The following A1CF variants were observed in gnomAD, a reference collection of about 807,000 sequenced individuals.
A1CF encodes APOBEC1 complementation factor, also known as APOBEC-1 stimulating protein.
A1CF carries 48 observed loss-of-function variants against 68.9 expected under a neutral mutation model. That is an observed-to-expected ratio of 0.70 (90% CI 0.55 to 0.89). The LOEUF (loss-of-function observed/expected upper bound fraction) is 0.89. Among genes scored for constraint, A1CF ranks in the 40% least tolerant of loss-of-function variants. The pLI, the probability that A1CF is intolerant of heterozygous loss-of-function variation, is 0.00. For missense variants in A1CF, 653 were observed against 718.9 expected, an observed-to-expected ratio of 0.91 and a Z score of 1.05; for synonymous variants, 272 against 260.4, an observed-to-expected ratio of 1.04 and a Z score of -0.43.
intron 7 of A1CF, chr10:50,823,131 G>A (rs1315455396): frequency 6.6e-6 from 1 of 152,142 alleles, no homozygotes; most frequent in East Asian, 1.9e-4. Context: ...ATCTTACACT[G>A]TTGGACGATA....
Position 50,883,049 on chromosome 10 carries a change from A to C in A1CF, c.-94+2532T>G, listed in dbSNP as rs185570466. ...GTGCTTTAATACTAAAAAAATTTAC[A>C]GACTGTCTTTCTCTGAATAAATGGA... On this transcript the variant is annotated intron_variant, in intron 1 of 12. Coordinates refer to ENST00000373997, the MANE Select transcript of A1CF (RefSeq NM_014576.4). Among the ~76,000 whole-genome samples the C allele has an allele frequency of 7.2e-5, 11 of 152,316 alleles. No individual in the cohort carries two copies. The East Asian group carries it at 2.1e-3, about 29-fold the overall frequency.
At chr10:50,859,684 C>T (rs1840651363) in intron 3 of A1CF, among the ~76,000 whole-genome samples, 158 bp downstream of exon 3, 1 of 152,184 alleles carries the variant, frequency 6.6e-6, no homozygotes, top group Non-Finnish European at 1.5e-5. Flanking sequence ...GTGTCATCTA[C>T]AAAACAGAAA....
intron 3 of A1CF, chr10:50,850,817 A>C (rs753047160): frequency 1.9e-6 from 3 of 1,604,998 alleles, no homozygotes; most frequent in Admixed American, 3.4e-5. Flanking sequence ...CCTTTCAAGA[A>C]GTAATTAGGT....
chr10:50,804,636 T>G lies in A1CF; in HGVS notation c.*2093A>C, dbSNP rs965882387. 3.9e-5 allele frequency: 6 copies of G among 152,202 alleles called. No homozygotes were observed. Among genetic ancestry groups the G allele is most frequent in the African/African-American group, 1.2e-4 (5 of 41,450 alleles). The allele number at this position is 152,202 out of a possible 1,614,324, so 9.4% of individuals were successfully genotyped here. Reference sequence around the variant, plus strand: ...AGGACAAGATTGTTTTACTTTCTCATTTTTAGAGTTAGTTTGAAGCCTACG... The same window carrying G: ...AGGACAAGATTGTTTTACTTTCTCAGTTTTAGAGTTAGTTTGAAGCCTACG... On this transcript the variant is annotated 3_prime_UTR_variant, in exon 13 of 13. Transcript: ENST00000373997.
chr10:50,881,307 G>A (rs1484444546), intron 1 of A1CF, among the ~76,000 whole-genome samples: 2 of 152,118 alleles, frequency 1.3e-5, no homozygotes, highest in African/African-American at 4.8e-5. Context: ...CCTCTTAACT[G>A]ATAGGTACAT....
intron 2 of A1CF, among the ~76,000 whole-genome samples, chr10:50,861,548 CCTA>C (rs1172115422): frequency 6.8e-6 from 1 of 147,944 alleles, no homozygotes; most frequent in Non-Finnish European, 1.5e-5. Context: ...ATTAGGACTA[CCTA>C]CTAATATTAG....
At chr10:50,825,575 A>G (rs894089881) in intron 7 of A1CF, among the ~76,000 whole-genome samples, 2 of 152,164 alleles carry the variant, frequency 1.3e-5, no homozygotes, top group African/African-American at 4.8e-5. Flanking sequence ...AAAAGATTGT[A>G]GAATTAATGT....
intron 1 of A1CF, among the ~76,000 whole-genome samples, chr10:50,882,619 G>A (rs1460250290): frequency 6.6e-6 from 1 of 152,012 alleles, no homozygotes; most frequent in Admixed American, 6.6e-5. Flanking sequence ...GAATGTCACC[G>A]CAAGAGTGCT....
intron 7 of A1CF, chr10:50,823,497 A>C (rs1329418811): frequency 6.6e-6 from 1 of 152,210 alleles, no homozygotes; most frequent in African/African-American, 2.4e-5. Context: ...ACACACCTGC[A>C]TGCCAAAGGG....
Position 50,857,985 on chromosome 10 carries a change from C to T in A1CF, c.99+1857G>A, listed in dbSNP as rs75478594. ...AGGCCTGAGAGCCCAATGAAGGTAG[C>T]TCAGTAAAAACTTTCCTTTACCATT... On this transcript the variant is annotated intron_variant, in intron 3 of 12. Transcript: ENST00000373997. Among the ~76,000 whole-genome samples, 3 of 152,324 alleles carry T rather than the reference C, an allele frequency of 2.0e-5. No individual in the cohort carries two copies. In the East Asian group the frequency reaches 5.8e-4, roughly 29 times the overall value.
At chr10:50,877,333 T>TA (rs754093062) in intron 1 of A1CF, among the ~76,000 whole-genome samples, 29 of 152,342 alleles carry the variant, frequency 1.9e-4, no homozygotes, top group Middle Eastern at 3.4e-3. Flanking sequence ...CTTCTAGTGT[T>TA]ATGTTTCTCC....
chr10:50,853,801 T>C (rs936611729), intron 3 of A1CF, among the ~76,000 whole-genome samples: 59 of 146,436 alleles, frequency 4.0e-4, no homozygotes, highest in African/African-American at 1.5e-3. Flanking sequence ...TAGGCTTTTT[T>C]TTAAAAAAAA....
chr10:50,861,851 T>C (rs1840762150), intron 2 of A1CF, among the ~76,000 whole-genome samples: 1 of 148,382 alleles, frequency 6.7e-6, no homozygotes, highest in Non-Finnish European at 1.5e-5. Flanking sequence ...ATATTAATAG[T>C]ATTTATAATA....
At chr10:50,852,879 T>C (rs768072884) in intron 3 of A1CF, among the ~76,000 whole-genome samples, 13 of 152,148 alleles carry the variant, frequency 8.5e-5, no homozygotes, top group Non-Finnish European at 1.6e-4. Flanking sequence ...CAATTAAAAT[T>C]ACCTAAGTAC....
At chr10:50,870,566 T>C (rs1225282345) in intron 1 of A1CF, among the ~76,000 whole-genome samples, 1 of 151,868 alleles carries the variant, frequency 6.6e-6, no homozygotes, top group Non-Finnish European at 1.5e-5. Flanking sequence ...AAAGTGTGAA[T>C]TTTTAATCTC....
chr10:50,850,702 G>A lies in A1CF; in HGVS notation c.100-6580C>T, dbSNP rs532541192. 1.4e-5 allele frequency: 23 copies of A among 1,614,088 alleles called. No individual in the cohort carries two copies. In the South Asian group the frequency reaches 2.2e-4, roughly 15 times the overall value. On this transcript the variant is annotated intron_variant, in intron 3 of 12. Coordinates refer to ENST00000373997, the MANE Select transcript of A1CF (RefSeq NM_014576.4). The stretch of plus-strand genomic sequence containing the variant: ...AGTTTGCAAAATGATGGACTGCAAA[G>A]CATTATTTCCTTTTTTGAGGCCAGG...
chr10:50,839,621 C>T (rs1015150989), intron 5 of A1CF, among the ~76,000 whole-genome samples: 8 of 152,194 alleles, frequency 5.3e-5, no homozygotes, highest in African/African-American at 1.7e-4. Flanking sequence ...CATGGAGGCA[C>T]CTGTGGGAGG....
chr10:50,880,104 CA>C (rs1336267868), intron 1 of A1CF, among the ~76,000 whole-genome samples: 3 of 152,156 alleles, frequency 2.0e-5, no homozygotes, highest in Admixed American at 6.5e-5. Flanking sequence ...CTCATTCTAA[CA>C]AAAACCCAAG....
At chr10:50,811,373 A>G (rs1838104025) in intron 10 of A1CF, among the ~76,000 whole-genome samples, 197 bp from the exon 11 acceptor site, 1 of 152,248 alleles carries the variant, frequency 6.6e-6, no homozygotes, top group Non-Finnish European at 1.5e-5. Context: ...CTATTAGTTC[A>G]TAAAATCACT....
Sources: allele counts gnomAD v4.1 joint callset (sites outside exome capture counted in the v4.1 genomes callset), GRCh38; gene constraint gnomAD v4.1.1; transcripts MANE v1.5; gene names NCBI Gene and HGNC (gene_info 2026-07-23, HGNC 2026-07-21).